The following ZNF407 variants were observed in gnomAD, a reference collection of about 807,000 sequenced individuals.
ZNF407 encodes zinc finger protein 407.
In ZNF407, 17 loss-of-function variants were observed where a neutral mutation model predicts 131.2. The observed-to-expected ratio is 0.13, with a 90% CI of 0.09 to 0.19. The LOEUF (loss-of-function observed/expected upper bound fraction) is 0.19, where lower values mean the gene tolerates loss of function less well. Ranked by LOEUF, ZNF407 falls within the 10% of genes least tolerant of loss-of-function variation. The probability of loss-of-function intolerance (pLI) is 1.00; values close to 1 mark genes in which losing one functional copy is unlikely to be tolerated. For missense variants in ZNF407, 2,681 were observed against 2,830.6 expected (o/e 0.95, Z 1.20); for synonymous variants, 1,156 against 1,062.0 (o/e 1.09, Z -1.72).
rs181162010 is a variant in ZNF407 at position 75,022,975 on chromosome 18, G to A, written c.5429-40175G>A. Among the ~76,000 whole-genome samples, 21 of 152,232 alleles carry A rather than the reference G, an allele frequency of 1.4e-4. No homozygotes were observed. The East Asian group carries it at 2.3e-3, about 17-fold the overall frequency. ...ACTGGATTTTAAAAATGTGATGCAC[G>A]TACACCGTGGAATACTATGCAGCCA... On this transcript the variant is annotated intron_variant, in intron 8 of 8. Transcript: ENST00000299687.
intron 4 of ZNF407, among the ~76,000 whole-genome samples, chr18:74,872,537 G>A (rs1257025819): frequency 6.6e-6 from 1 of 152,004 alleles, no homozygotes; most frequent in East Asian, 1.9e-4. Context: ...GCCGAGGCAG[G>A]CAGATCACGA....
Position 74,872,766 on chromosome 18 carries a change from G to GA in ZNF407, c.4878-4417dup, listed in dbSNP as rs5826351. Among the ~76,000 whole-genome samples the GA allele has an allele frequency of 1.2e-3, 145 of 123,170 alleles. 1 individual carries two copies. The highest frequency in any genetic ancestry group is 3.7e-3 in the African/African-American group (111 of 30,304). The allele number at this position is 123,170 out of a possible 152,430, so 80.8% of individuals were successfully genotyped here. ...CGAGACTCAGTCTCAAAAAAAAAAA[G>GA]AAAAAAAAAAAAAAGAAAAGATATA... On this transcript the variant is annotated intron_variant, in intron 4 of 8. Transcript: ENST00000299687.
intron 4 of ZNF407, 135 bp from the exon 5 acceptor site, chr18:74,877,062 G>T: frequency 1.4e-6 from 1 of 712,974 alleles, no homozygotes. Flanking sequence ...ATACAGACAT[G>T]ACAGACCAGG....
intron 3 of ZNF407, among the ~76,000 whole-genome samples, chr18:74,711,865 C>T (rs1440404598): frequency 2.0e-5 from 3 of 151,978 alleles, no homozygotes; most frequent in African/African-American, 7.2e-5. Flanking sequence ...CACGTGCCAC[C>T]ACACCCGATT....
chr18:74,859,528 G>T (rs1419946769), intron 4 of ZNF407, among the ~76,000 whole-genome samples: 4 of 152,128 alleles, frequency 2.6e-5, no homozygotes, highest in Admixed American at 2.0e-4. Context: ...AATTTAACTC[G>T]AGATGGATTT....
chr18:74,911,371 A>T (rs1339909893), intron 7 of ZNF407, among the ~76,000 whole-genome samples: 1 of 152,198 alleles, frequency 6.6e-6, no homozygotes, highest in Non-Finnish European at 1.5e-5. Context: ...TCTCAAAAAA[A>T]TCTTGTTAGA....
Position 74,633,784 on chromosome 18 carries a change from G to T in ZNF407, c.2765G>T (p.Gly922Val), listed in dbSNP as rs376942605. Residue 922 changes from glycine to valine, a missense_variant, in exon 2 of 9, where the codon GGC (glycine) becomes GTC (valine). Gly to Val is a moderately radical substitution (Grantham distance 109). This residue lies in a region of ZNF407 where 1,789 missense variants were observed against 1,748.7 expected (regional missense o/e 1.02). Transcript: ENST00000299687. Reference protein sequence around the residue: ...SGKHSSDIIVGPEGGSLEAGK... With the variant: ...SGKHSSDIIVVPEGGSLEAGK... ...AAACACAGTTCAGATATCATTGTTG[G>T]CCCTGAAGGGGGTAGCCTTGAAGCT... 34 of 1,613,836 alleles carry T rather than the reference G, an allele frequency of 2.1e-5. No individual in the cohort carries two copies.
intron 4 of ZNF407, among the ~76,000 whole-genome samples, chr18:74,835,629 G>GGTGTGTGTGTTTGTGTGTGTGTGT (rs1555693409): frequency 1.1e-5 from 1 of 92,144 alleles, no homozygotes; most frequent in African/African-American, 5.8e-5. Flanking sequence ...GACAGAGGGG[G>GGTGTGTGTGTTTGTGTGTGTGTGT]GTGTGTGTGT....
At chr18:74,751,428 T>A (rs1487502939) in intron 3 of ZNF407, among the ~76,000 whole-genome samples, 1 of 152,144 alleles carries the variant, frequency 6.6e-6, no homozygotes, top group African/African-American at 2.4e-5. Context: ...AATGTGCAGG[T>A]TTGTTACATA....
chr18:74,921,058 A>T, intron 8 of ZNF407: 1 of 950,912 alleles, frequency 1.1e-6, no homozygotes, highest in Non-Finnish European at 1.3e-6. Flanking sequence ...GTGATTTGAA[A>T]TGTTATGCCC....
chr18:74,772,267 AAC>A (rs1481505889), intron 3 of ZNF407, among the ~76,000 whole-genome samples: 2 of 152,194 alleles, frequency 1.3e-5, no homozygotes, highest in African/African-American at 2.4e-5. Flanking sequence ...ATACATCTGT[AAC>A]TATAAGCAAT....
chr18:74,836,972 A>G (rs1970568402), intron 4 of ZNF407, among the ~76,000 whole-genome samples: 1 of 152,174 alleles, frequency 6.6e-6, no homozygotes, highest in Admixed American at 6.5e-5. Flanking sequence ...ACCTGACTCA[A>G]GTGGAAATGT....
chr18:75,037,335 G>C (rs1354527903), intron 8 of ZNF407, among the ~76,000 whole-genome samples: 1 of 152,164 alleles, frequency 6.6e-6, no homozygotes, highest in Non-Finnish European at 1.5e-5. Flanking sequence ...TGCCGATGAT[G>C]CTTTTTGGTT....
chr18:74,635,663 C>T lies in ZNF407; in HGVS notation c.4644C>T (p.Ser1548=), dbSNP rs778933935. 103 of 1,607,202 alleles carry T rather than the reference C, an allele frequency of 6.4e-5. No homozygotes were observed. The highest frequency in any genetic ancestry group is 8.3e-5 in the Non-Finnish European group (98 of 1,176,130). The part of the protein sequence containing the change: ...VCKYCGKMCR[S]SNSMAFLAHI... ...AGTATTGTGGGAAGATGTGTCGAAG[C>T]AGCAACTCGATGGCCTTCCTGGCAC... Residue 1548 remains serine (S), a synonymous_variant, in exon 2 of 9, where the codon AGC becomes AGT. Coordinates refer to ENST00000299687, the MANE Select transcript of ZNF407 (RefSeq NM_017757.3). The surrounding 1 kb of genome is among the most constrained non-coding windows in gnomAD (Gnocchi z 4.7).
intron 4 of ZNF407, among the ~76,000 whole-genome samples, chr18:74,860,517 C>G (rs1170509708): frequency 1.1e-5 from 1 of 93,166 alleles, no homozygotes; most frequent in African/African-American, 3.8e-5. Flanking sequence ...ATTATTATGT[C>G]TTAGACAAGC....
chr18:74,645,329 A>C (rs1282672278), intron 3 of ZNF407, among the ~76,000 whole-genome samples: 3 of 152,078 alleles, frequency 2.0e-5, no homozygotes, highest in Non-Finnish European at 2.9e-5. Context: ...AGTAAACCTA[A>C]GAAATGATAA....
chr18:75,045,041 G>A (rs966957671), intron 8 of ZNF407, among the ~76,000 whole-genome samples: 2 of 143,810 alleles, frequency 1.4e-5, no homozygotes, highest in African/African-American at 5.1e-5. Flanking sequence ...TTTTCAGCTT[G>A]ATTGGGAAAA....
intron 8 of ZNF407, among the ~76,000 whole-genome samples, chr18:74,944,257 C>T (rs906627421): frequency 2.0e-5 from 3 of 151,946 alleles, no homozygotes; most frequent in African/African-American, 4.8e-5. Flanking sequence ...TAATTTACAC[C>T]GATTTATAAT....
At chr18:74,752,479 G>A (rs1968829883) in intron 3 of ZNF407, among the ~76,000 whole-genome samples, 1 of 152,104 alleles carries the variant, frequency 6.6e-6, no homozygotes, top group African/African-American at 2.4e-5. Flanking sequence ...TAGTGCCTAG[G>A]TTTTCTTCTA....
Sources: gnomAD v4.1 joint callset for allele counts (sites outside exome capture counted in the v4.1 genomes callset) on GRCh38, gnomAD v4.1.1 for gene constraint, gnomAD v4.1.1 regional missense constraint, Gnocchi (gnomAD v3.1) non-coding constraint, MANE v1.5 for transcripts, NCBI Gene and HGNC (gene_info 2026-07-23, HGNC 2026-07-21) for gene names.